TOP1: variants seen among roughly 807,000 people sequenced by gnomAD.
TOP1 encodes DNA topoisomerase I, also known as DNA topoisomerase 1.
Under a neutral mutation model 111.1 loss-of-function variants are expected in TOP1, and 10 were observed. The observed-to-expected ratio is 0.09, with a 90% CI of 0.06 to 0.15. The LOEUF is 0.15. TOP1 is among the 10% of genes least tolerant of loss of function. The probability of loss-of-function intolerance (pLI) is 1.00; values close to 1 mark genes in which losing one functional copy is unlikely to be tolerated. For missense variants in TOP1, 474 were observed against 926.7 expected (o/e 0.51, Z 6.34); for synonymous variants, 271 against 302.9 (o/e 0.89, Z 1.10).
In TOP1 at chr20:41,115,169, T is replaced by C. The variant is rs575996424; in HGVS notation, c.1639-202T>C. 3.3e-5 allele frequency among the ~76,000 whole-genome samples: 5 copies of C among 152,242 alleles called. No homozygotes were observed. The highest frequency in any genetic ancestry group is 1.2e-4 in the African/African-American group (5 of 41,550). ...ACAAACAATTATGTATATATATCTG[T>C]AAATATACACATGGAGAGAGTGAGC... is the stretch of plus-strand genomic sequence containing the variant. On this transcript the variant is annotated intron_variant, in intron 15 of 20. Coordinates refer to ENST00000361337, the MANE Select transcript of TOP1 (RefSeq NM_003286.4). This position sits in a 1 kb window ranked among gnomAD's most constrained non-coding sequence, Gnocchi z 6.3.
At chr20:41,065,790 A>T (rs969707190) in intron 3 of TOP1, among the ~76,000 whole-genome samples, 14 of 152,150 alleles carry the variant, frequency 9.2e-5, no homozygotes, top group South Asian at 2.1e-4. Context: ...AATCACATTT[A>T]AAAAAATCCA....
rs2034008460 is a variant in TOP1, at chr20:41,098,160, CTTA to C, written c.853-51_853-49del. 6.3e-7 allele frequency: 1 copy of C among 1,586,600 alleles called. No homozygotes were observed. Reference sequence around the variant, plus strand: ...GTGTATTTGCAAAGAAACCCAAGGACTTATTAGTGTATTTTCGTTGTTTTTCTT... The same window carrying C: ...GTGTATTTGCAAAGAAACCCAAGGACTTAGTGTATTTTCGTTGTTTTTCTT... On this transcript the variant is annotated intron_variant, in intron 10 of 20. Coordinates refer to ENST00000361337, the MANE Select transcript of TOP1 (RefSeq NM_003286.4). This position sits in a 1 kb window ranked among gnomAD's most constrained non-coding sequence, Gnocchi z 5.7.
At chr20:41,051,654 C>T (rs2033407113) in intron 2 of TOP1, among the ~76,000 whole-genome samples, 1 of 152,096 alleles carries the variant, frequency 6.6e-6, no homozygotes, top group Admixed American at 6.5e-5. Context: ...CGTTAGGCTT[C>T]CGGGTACCAG....
intron 13 of TOP1, among the ~76,000 whole-genome samples, chr20:41,108,975 G>C (rs1340135632): frequency 6.6e-6 from 1 of 152,182 alleles, no homozygotes; most frequent in Non-Finnish European, 1.5e-5. Flanking sequence ...TTATCATCAT[G>C]ATTTTTCTTT....
intron 3 of TOP1, chr20:41,073,498 C>G (rs2033691447): frequency 2.0e-6 from 2 of 984,360 alleles, no homozygotes; most frequent in Non-Finnish European, 2.4e-6. Flanking sequence ...TAAAATAAAG[C>G]TAGGACCTTA....
In TOP1 at chr20:41,100,655, T is replaced by TA. The variant is rs1373532643; in HGVS notation, c.1163+413dup. On this transcript the variant is annotated intron_variant, in intron 12 of 20. Transcript: ENST00000361337. This position sits in a 1 kb window ranked among gnomAD's most constrained non-coding sequence, Gnocchi z 4.4. ...ATTTCACAGATGGAAGGTTAATTCT[T>TA]ACCTTAGATCTTAGCAACTTCACCA... 4.8e-5 allele frequency: 8 copies of TA among 167,914 alleles called. No homozygotes were observed. The East Asian group carries it at 1.3e-3, about 28-fold the overall frequency. 10.4% of individuals were successfully genotyped at this position (167,914 alleles called of 1,614,324 possible).
chr20:41,083,067 G>A lies in TOP1; in HGVS notation c.508-1395G>A, dbSNP rs2033807980. 6.6e-6 allele frequency among the ~76,000 whole-genome samples: 1 copy of A among 151,918 alleles called. No homozygotes were observed. Among genetic ancestry groups the A allele is most frequent in the Non-Finnish European group, 1.5e-5 (1 of 67,948 alleles). On this transcript the variant is annotated intron_variant, in intron 7 of 20. Transcript: ENST00000361337. The surrounding 1 kb of genome is among the most constrained non-coding windows in gnomAD (Gnocchi z 7.2). ...CTCACTCGCCAACTATAGTTTTTTTGTTTTTTGTTTTTTTCTCTTGTTTTT... is the reference window on the plus strand; with the variant it reads ...CTCACTCGCCAACTATAGTTTTTTTATTTTTTGTTTTTTTCTCTTGTTTTT...
intron 13 of TOP1, among the ~76,000 whole-genome samples, chr20:41,108,744 G>A (rs961346391): frequency 1.3e-5 from 2 of 152,142 alleles, no homozygotes; most frequent in Non-Finnish European, 2.9e-5. Flanking sequence ...TAGCCTTCTG[G>A]AACCTGCAGT....
intron 2 of TOP1, among the ~76,000 whole-genome samples, chr20:41,043,187 G>C (rs994623523): frequency 2.0e-5 from 3 of 152,204 alleles, no homozygotes; most frequent in South Asian, 2.1e-4. Flanking sequence ...CTGGGAGTAG[G>C]GTCTTAGCCA....
chr20:41,099,316 G>C (rs1264019196), intron 11 of TOP1, among the ~76,000 whole-genome samples: 2 of 151,910 alleles, frequency 1.3e-5, no homozygotes, highest in Non-Finnish European at 2.9e-5. Flanking sequence ...TTACTTCAGG[G>C]GCATTTTGAA....
chr20:41,060,775 C>T (rs181419056), intron 2 of TOP1, among the ~76,000 whole-genome samples: 117 of 152,250 alleles, frequency 7.7e-4, no homozygotes, highest in Non-Finnish European at 1.3e-3. Flanking sequence ...TATACTTTAA[C>T]TCACCACCAC....
intron 2 of TOP1, among the ~76,000 whole-genome samples, chr20:41,038,277 C>A (rs1032067235): frequency 6.6e-6 from 1 of 152,076 alleles, no homozygotes; most frequent in Non-Finnish European, 1.5e-5. Flanking sequence ...AATATCAGAG[C>A]CTTAGTTCTT....
chr20:41,100,272 A>G lies in TOP1; in HGVS notation c.1163+29A>G. On this transcript the variant is annotated intron_variant, in intron 12 of 20. Coordinates refer to ENST00000361337, the MANE Select transcript of TOP1 (RefSeq NM_003286.4). The surrounding 1 kb of genome is among the most constrained non-coding windows in gnomAD (Gnocchi z 4.4). ...AGCTCGCACTTCATCCTATGGGCCA[A>G]AAAGGGGGTGGAGGGCGTCCTTTAT... is the stretch of plus-strand genomic sequence containing the variant. The G allele has an allele frequency of 6.3e-7, 1 of 1,590,622 alleles. No individual in the cohort carries two copies. Among genetic ancestry groups the G allele is most frequent in the Non-Finnish European group, 8.6e-7 (1 of 1,164,338 alleles).
Position 41,123,356 on chromosome 20 carries a change from A to C in TOP1, c.*59A>C. 7.6e-7 allele frequency: 1 copy of C among 1,309,180 alleles called. No individual in the cohort carries two copies. Among genetic ancestry groups the C allele is most frequent in the South Asian group, 1.2e-5 (1 of 82,566 alleles). 81.1% of individuals were successfully genotyped at this position (1,309,180 alleles called of 1,614,324 possible). ...ACAGTGTGGTTTGGGAAAGATGGATAAACTGAGCCTCACTTGCCCTCGTGC... is the reference window on the plus strand; with the variant it reads ...ACAGTGTGGTTTGGGAAAGATGGATCAACTGAGCCTCACTTGCCCTCGTGC... On this transcript the variant is annotated 3_prime_UTR_variant, in exon 21 of 21. Coordinates refer to ENST00000361337, the MANE Select transcript of TOP1 (RefSeq NM_003286.4). This position sits in a 1 kb window ranked among gnomAD's most constrained non-coding sequence, Gnocchi z 5.8.
At position 41,073,113 on chromosome 20, in the gene TOP1, C is replaced by A. The variant is rs2033686122; in HGVS notation, c.156-3058C>A. The stretch of plus-strand genomic sequence containing the variant: ...TCATTTGCCTTGTCATTTGTTGATT[C>A]CTTTTCCCTGATCTCTGTTTGGTGT... On this transcript the variant is annotated intron_variant, in intron 3 of 20. Transcript: ENST00000361337. 4.1e-6 allele frequency: 4 copies of A among 985,202 alleles called. No individual in the cohort carries two copies. In the South Asian group the frequency reaches 1.9e-4, roughly 46 times the overall value. The allele number at this position is 985,202 out of a possible 1,614,324, so 61.0% of individuals were successfully genotyped here.
At chr20:41,041,767 C>G (rs1251930205) in intron 2 of TOP1, among the ~76,000 whole-genome samples, 1 of 152,004 alleles carries the variant, frequency 6.6e-6, no homozygotes, top group Non-Finnish European at 1.5e-5. Flanking sequence ...TGCAGGTGAC[C>G]CATAACCTCC....
intron 3 of TOP1, among the ~76,000 whole-genome samples, chr20:41,066,557 C>CTTTTTTTTTTTTT (rs776922601): frequency 7.7e-6 from 1 of 129,398 alleles, no homozygotes. Context: ...CTTTTCTTTT[C>CTTTTTTTTTTTTT]TTTTTTTTTT....
intron 13 of TOP1, among the ~76,000 whole-genome samples, chr20:41,104,513 T>C (rs1011536481): frequency 6.6e-6 from 1 of 152,222 alleles, no homozygotes; most frequent in Admixed American, 6.5e-5. Flanking sequence ...CCTTGTTAGA[T>C]AGACCAGGTG....
intron 3 of TOP1, among the ~76,000 whole-genome samples, chr20:41,065,528 A>ATTT (rs2033596435): frequency 6.6e-6 from 1 of 152,150 alleles, no homozygotes; most frequent in Non-Finnish European, 1.5e-5. Flanking sequence ...TGAATTCACT[A>ATTT]AATAATAACT....
Sources: gnomAD v4.1 joint callset for allele counts (sites outside exome capture counted in the v4.1 genomes callset) on GRCh38, gnomAD v4.1.1 for gene constraint, Gnocchi (gnomAD v3.1) non-coding constraint, MANE v1.5 for transcripts, NCBI Gene and HGNC (gene_info 2026-07-23, HGNC 2026-07-21) for gene names.